KIRREL3: variants seen among roughly 807,000 people sequenced by gnomAD.
The protein encoded by KIRREL3 is kirre like nephrin family adhesion molecule 3.
In KIRREL3, 36 loss-of-function variants were observed where a neutral mutation model predicts 89.7. The observed-to-expected ratio is 0.40, with a 90% CI of 0.31 to 0.53. The LOEUF (loss-of-function observed/expected upper bound fraction) is 0.53, where lower values mean the gene tolerates loss of function less well. Ranked by LOEUF, KIRREL3 falls within the 20% of genes least tolerant of loss-of-function variation. KIRREL3 has a pLI of 0.49. For synonymous variants in KIRREL3, 445 were observed against 441.4 expected, an observed-to-expected ratio of 1.01 and a Z score of -0.10; for missense variants, 864 against 1,056.6, an observed-to-expected ratio of 0.82 and a Z score of 2.53.
At chr11:126,910,232 G>A (rs551018525) in intron 1 of KIRREL3, among the ~76,000 whole-genome samples, 63 of 152,232 alleles carry the variant, frequency 4.1e-4, no homozygotes, top group African/African-American at 1.5e-3. Context: ...GAGTGCTCAA[G>A]CAGTGGAAGG....
At chr11:126,657,924 G>A (rs961438128) in intron 1 of KIRREL3, among the ~76,000 whole-genome samples, 2 of 152,216 alleles carry the variant, frequency 1.3e-5, no homozygotes, top group African/African-American at 2.4e-5. Flanking sequence ...ACCCAGCCCA[G>A]CAGAGCGCAA....
chr11:126,790,479 C>T (rs1950604212), intron 1 of KIRREL3, among the ~76,000 whole-genome samples: 1 of 152,182 alleles, frequency 6.6e-6, no homozygotes, highest in Admixed American at 6.5e-5. Context: ...TAACACTTAA[C>T]TCATGAGGTT....
rs1240408843 is a variant in KIRREL3 at position 126,954,218 on chromosome 11, G to A, written c.55+46237C>T. 6.6e-6 allele frequency among the ~76,000 whole-genome samples: 1 copy of A among 151,374 alleles called. No individual in the cohort carries two copies. Among genetic ancestry groups the A allele is most frequent in the African/African-American group, 2.4e-5 (1 of 41,080 alleles). On this transcript the variant is annotated intron_variant, in intron 1 of 16. Transcript: ENST00000525144. This position sits in a 1 kb window ranked among gnomAD's most constrained non-coding sequence, Gnocchi z 4.1. ...AGGATGTAGCGTTAGCTGCTGCCTG[G>A]ACTCAAGGATTATAGAGGAATTCTG...
In KIRREL3 at chr11:126,577,775, A is replaced by AG. The variant is rs1292987658; in HGVS notation, c.56-14864_56-14863insC. On this transcript the variant is annotated intron_variant, in intron 1 of 16. Transcript: ENST00000525144. ...AGACTCTGTCTCAATTAAAAAAAAA[A>AG]AAGACACTAACCGTCCTTTCTCTGG... is the stretch of plus-strand genomic sequence containing the variant. Among the ~76,000 whole-genome samples, 6 of 152,044 alleles carry AG rather than the reference A, an allele frequency of 3.9e-5. No homozygotes were observed. In the East Asian group the frequency reaches 7.8e-4, roughly 20 times the overall value.
Position 126,622,214 on chromosome 11 carries a change from G to T in KIRREL3, c.56-59302C>A, listed in dbSNP as rs1291493429. On this transcript the variant is annotated intron_variant, in intron 1 of 16. Transcript: ENST00000525144. The surrounding 1 kb of genome is among the most constrained non-coding windows in gnomAD (Gnocchi z 5.2). ...TTCACTTGCTAAATCAGCCAGTAGA[G>T]AACTTGGTATTCTTAGAGAAAGTTG... is the stretch of plus-strand genomic sequence containing the variant. 1.3e-5 allele frequency among the ~76,000 whole-genome samples: 2 copies of T among 152,244 alleles called. No individual in the cohort carries two copies. The highest frequency in any genetic ancestry group is 4.8e-5 in the African/African-American group (2 of 41,452).
chr11:126,934,454 C>T (rs1346896817), intron 1 of KIRREL3, among the ~76,000 whole-genome samples: 1 of 152,104 alleles, frequency 6.6e-6, no homozygotes, highest in Non-Finnish European at 1.5e-5. Flanking sequence ...ATGTGAACTT[C>T]ATCAAAATTA....
rs1038028917 is a variant in KIRREL3 at position 126,808,328 on chromosome 11, A to G, written c.55+192127T>C. Among the ~76,000 whole-genome samples the G allele has an allele frequency of 2.0e-5, 3 of 152,166 alleles. No individual in the cohort carries two copies. The highest frequency in any genetic ancestry group is 7.2e-5 in the African/African-American group (3 of 41,428). On this transcript the variant is annotated intron_variant, in intron 1 of 16. Transcript: ENST00000525144. The surrounding 1 kb of genome is among the most constrained non-coding windows in gnomAD (Gnocchi z 4.1). Reference sequence around the variant, plus strand: ...CATGACCTGTTTTTGGCAAGCTACAATGGGGGTGCAGCTTTCAAGGAGTCA... The same window carrying G: ...CATGACCTGTTTTTGGCAAGCTACAGTGGGGGTGCAGCTTTCAAGGAGTCA...
chr11:126,895,916 G>A (rs549513150), intron 1 of KIRREL3, among the ~76,000 whole-genome samples: 3 of 152,328 alleles, frequency 2.0e-5, no homozygotes, highest in African/African-American at 7.2e-5. Context: ...CACTTAATGT[G>A]ACATAAAGAG....
intron 1 of KIRREL3, among the ~76,000 whole-genome samples, chr11:126,927,581 G>A (rs185037538): frequency 5.3e-5 from 8 of 152,122 alleles, no homozygotes; most frequent in African/African-American, 9.7e-5. Context: ...CAGAAAATGC[G>A]GACATTATGG....
At chr11:126,962,088 T>A (rs902269455) in intron 1 of KIRREL3, among the ~76,000 whole-genome samples, 1 of 152,214 alleles carries the variant, frequency 6.6e-6, no homozygotes, top group Non-Finnish European at 1.5e-5. Context: ...AAGATTAATG[T>A]TGTTTTCTTG....
At chr11:126,717,332 ATTATAGT>A (rs11277499) in intron 1 of KIRREL3, among the ~76,000 whole-genome samples, 9,658 of 152,278 alleles carry the variant, frequency 0.063, 416 homozygotes, top group African/African-American at 0.12. Context: ...TGGAAGCGTG[ATTATAGT>A]TTATAAACTC....
intron 1 of KIRREL3, among the ~76,000 whole-genome samples, chr11:126,637,023 T>G (rs955306275): frequency 2.6e-5 from 4 of 152,152 alleles, no homozygotes; most frequent in African/African-American, 9.7e-5. Flanking sequence ...TCCTCACTTC[T>G]CTAGTCTCAA....
Position 126,904,189 on chromosome 11 carries a change from TA to T in KIRREL3, c.55+96265del, listed in dbSNP as rs1235171790. ...TTGAAGCCTCTTTTTAACACACAGG[TA>T]AAGTTTTCAGGACTATTTTTATCAT... On this transcript the variant is annotated intron_variant, in intron 1 of 16. Transcript: ENST00000525144. This position sits in a 1 kb window ranked among gnomAD's most constrained non-coding sequence, Gnocchi z 4.4. Among the ~76,000 whole-genome samples the T allele has an allele frequency of 1.3e-5, 2 of 152,222 alleles. No homozygotes were observed. The highest frequency in any genetic ancestry group is 1.3e-4 in the Admixed American group (2 of 15,288).
intron 1 of KIRREL3, among the ~76,000 whole-genome samples, chr11:126,864,944 A>C (rs146719581): frequency 6.6e-6 from 1 of 152,202 alleles, no homozygotes; most frequent in East Asian, 1.9e-4. Context: ...AACAGAGTAC[A>C]TGTCCTGTTC....
At position 126,647,699 on chromosome 11, in the gene KIRREL3, A is replaced by G. The variant is rs936954647; in HGVS notation, c.56-84787T>C. 6.6e-6 allele frequency among the ~76,000 whole-genome samples: 1 copy of G among 152,184 alleles called. No homozygotes were observed. The highest frequency in any genetic ancestry group is 2.4e-5 in the African/African-American group (1 of 41,456). ...GACCCTGTGCCTGGATGGCGGCCAG[A>G]GCCTCCTAATTGGTCTCGCAGCTTC... On this transcript the variant is annotated intron_variant, in intron 1 of 16. Coordinates refer to ENST00000525144, the MANE Select transcript of KIRREL3 (RefSeq NM_032531.4). This position sits in a 1 kb window ranked among gnomAD's most constrained non-coding sequence, Gnocchi z 4.9.
intron 1 of KIRREL3, among the ~76,000 whole-genome samples, chr11:126,738,049 T>C (rs3862644): frequency 0.43 from 65,295 of 151,872 alleles, 15,362 homozygotes; most frequent in East Asian, 0.89. Flanking sequence ...CAGCTTCTGG[T>C]AACCATCATT....
At chr11:126,426,487 C>A (rs1954944033) in intron 15 of KIRREL3, among the ~76,000 whole-genome samples, 1 of 152,114 alleles carries the variant, frequency 6.6e-6, no homozygotes, top group African/African-American at 2.4e-5. Flanking sequence ...GCCTGATATA[C>A]AATAGAGCTG....
intron 1 of KIRREL3, among the ~76,000 whole-genome samples, chr11:126,878,464 A>G (rs1945373211): frequency 6.6e-6 from 1 of 152,176 alleles, no homozygotes; most frequent in Admixed American, 6.5e-5. Context: ...CTTTTGTAAG[A>G]AAAACGAGAG....
At chr11:126,920,303 T>G (rs1188365680) in intron 1 of KIRREL3, 1 of 152,408 alleles carries the variant, frequency 6.6e-6, no homozygotes, top group East Asian at 1.9e-4. Context: ...CATCTTTAGA[T>G]CCCAAGAAAT....
Sources: allele counts gnomAD v4.1 joint callset (sites outside exome capture counted in the v4.1 genomes callset), GRCh38; gene constraint gnomAD v4.1.1; non-coding constraint Gnocchi (gnomAD v3.1); transcripts MANE v1.5; gene names NCBI Gene and HGNC (gene_info 2026-07-23, HGNC 2026-07-21).